The following C11orf65 variants were observed in gnomAD, a reference collection of about 807,000 sequenced individuals.
The protein encoded by C11orf65 is protein MFI.
In C11orf65, 38 loss-of-function variants were observed where a neutral mutation model predicts 35.3. That is an observed-to-expected ratio of 1.08 (90% CI 0.83 to 1.41). The LOEUF is 1.41. C11orf65 is among the 40% of genes most tolerant of loss of function. C11orf65 has a pLI of 0.00. For missense variants in C11orf65, 370 were observed against 367.1 expected (o/e 1.01, Z -0.06); for synonymous variants, 105 against 114.4 (o/e 0.92, Z 0.53).
chr11:108,322,501 T>A (rs1172972093), intron 6 of C11orf65, among the ~76,000 whole-genome samples: 1 of 152,192 alleles, frequency 6.6e-6, no homozygotes, highest in African/African-American at 2.4e-5. Context: ...TAGTAAACAT[T>A]CAGTGGATAG....
chr11:108,456,332 G>T (rs956537520), intron 2 of C11orf65, among the ~76,000 whole-genome samples: 2 of 152,050 alleles, frequency 1.3e-5, no homozygotes, highest in Non-Finnish European at 2.9e-5. Context: ...AATGAACTTT[G>T]TACCTCTAAG....
chr11:108,401,624 T>TC (rs959307627), intron 6 of C11orf65, among the ~76,000 whole-genome samples: 2 of 152,148 alleles, frequency 1.3e-5, no homozygotes, highest in African/African-American at 4.8e-5. Flanking sequence ...GTAATATGCT[T>TC]CCCCCTGCAC....
At chr11:108,392,789 C>T (rs2092196927) in intron 7 of C11orf65, among the ~76,000 whole-genome samples, 1 of 152,178 alleles carries the variant, frequency 6.6e-6, no homozygotes, top group African/African-American at 2.4e-5. Context: ...TTCCCCCACA[C>T]AAGAAATCTT....
rs376158749 is a variant in C11orf65, at chr11:108,317,615, TTATATATATATATA to T, written c.641-8558_641-8545del. On this transcript the variant is annotated intron_variant, in intron 6 of 6. Transcript: ENST00000525729. ...TTCTATGAATATAACAGGAGTTGTT[TTATATATATATATA>T]TATATATATATATATATATATATAC... The T allele has an allele frequency of 3.2e-4, 69 of 215,350 alleles. 3 individuals carry two copies. The highest frequency in any genetic ancestry group is 1.0e-3 in the Admixed American group (15 of 14,860). 13.3% of individuals were successfully genotyped at this position (215,350 alleles called of 1,614,324 possible).
At chr11:108,421,532 C>T (rs1220323231) in intron 3 of C11orf65, among the ~76,000 whole-genome samples, 1 of 152,032 alleles carries the variant, frequency 6.6e-6, no homozygotes, top group East Asian at 1.9e-4. Flanking sequence ...GGTGGTGGCG[C>T]CTGTAATCCC....
chr11:108,327,665 T>C, downstream of C11orf65: 1 of 1,613,956 alleles, frequency 6.2e-7, no homozygotes, highest in Non-Finnish European at 8.5e-7. Flanking sequence ...GCCTAAAACT[T>C]ACATACACAG....
intron 2 of C11orf65, among the ~76,000 whole-genome samples, chr11:108,373,999 G>T (rs867984840): frequency 6.6e-6 from 1 of 152,246 alleles, no homozygotes; most frequent in Non-Finnish European, 1.5e-5. Flanking sequence ...GCCCAGGCTC[G>T]CTTAGGTAAA....
chr11:108,436,475 A>G (rs936527784), intron 2 of C11orf65, among the ~76,000 whole-genome samples: 1 of 152,214 alleles, frequency 6.6e-6, no homozygotes, highest in Non-Finnish European at 1.5e-5. Flanking sequence ...ACTTTTGGGA[A>G]GGTTGTGAAT....
At chr11:108,334,569 A>T (rs1191253517) in intron 3 of C11orf65, among the ~76,000 whole-genome samples, 1 of 152,200 alleles carries the variant, frequency 6.6e-6, no homozygotes, top group Non-Finnish European at 1.5e-5. Flanking sequence ...AGTGCTTAGT[A>T]TCTAGTTACT....
In C11orf65 at chr11:108,332,046, A is replaced by G. The variant is rs1182105888; in HGVS notation, c.300-479T>C. On this transcript the variant is annotated intron_variant, in intron 3 of 3. Coordinates refer to the C11orf65 transcript ENST00000524755. ...GCTCTCAGCTTGATGAGGTATTTGG[A>G]TTAAACATACGTACCTTTTAGAAGT... The G allele has an allele frequency of 6.2e-7, 1 of 1,613,420 alleles. No homozygotes were observed. Among genetic ancestry groups the G allele is most frequent in the Admixed American group, 1.7e-5 (1 of 60,014 alleles).
At chr11:108,330,515 C>A, downstream of C11orf65, 2 of 1,280,646 alleles carry the variant, frequency 1.6e-6, no homozygotes, top group Non-Finnish European at 2.3e-6. Context: ...TCTTTGTATT[C>A]CTAGCACTTG....
chr11:108,451,658 T>C lies in C11orf65; in HGVS notation c.81+9821A>G, dbSNP rs147422177. The stretch of plus-strand genomic sequence containing the variant: ...TTCACAGAATTGGAAAAGACTACTT[T>C]AAAGTTCACATGGAACCAAAAAAGA... On this transcript the variant is annotated intron_variant, in intron 2 of 8. Transcript: ENST00000393084. 2.5e-3 allele frequency among the ~76,000 whole-genome samples: 383 copies of C among 152,208 alleles called. 10 individuals are homozygous for C. The East Asian group carries it at 0.071, about 28-fold the overall frequency.
intron 6 of C11orf65, among the ~76,000 whole-genome samples, chr11:108,400,439 T>C (rs958227338): frequency 6.6e-6 from 1 of 152,148 alleles, no homozygotes; most frequent in South Asian, 2.1e-4. Context: ...AGGCATAATG[T>C]TCTATGGAAA....
intron 2 of C11orf65, among the ~76,000 whole-genome samples, chr11:108,445,409 TC>T (rs1261734449): frequency 6.6e-6 from 1 of 151,996 alleles, no homozygotes; most frequent in African/African-American, 2.4e-5. Flanking sequence ...AGACAAAACT[TC>T]CAGAGGAACG....
chr11:108,357,412 G>A, intron 2 of C11orf65, among the ~76,000 whole-genome samples: 1 of 152,222 alleles, frequency 6.6e-6, no homozygotes, highest in Non-Finnish European at 1.5e-5. Flanking sequence ...AAACAAAGCA[G>A]CCGGGAAGCT....
chr11:108,457,010 G>C (rs762103601), intron 2 of C11orf65, among the ~76,000 whole-genome samples: 103 of 152,134 alleles, frequency 6.8e-4, no homozygotes, highest in Non-Finnish European at 6.5e-4. Context: ...AATAGATCTT[G>C]GCGGTTTGAA....
chr11:108,361,712 T>A (rs902798199), intron 2 of C11orf65, among the ~76,000 whole-genome samples: 6 of 151,594 alleles, frequency 4.0e-5, no homozygotes, highest in African/African-American at 1.5e-4. Context: ...ATTCCCTATT[T>A]AATAAATGGT....
chr11:108,458,242 C>T (rs918231590), intron 2 of C11orf65, among the ~76,000 whole-genome samples: 3 of 150,064 alleles, frequency 2.0e-5, no homozygotes, highest in East Asian at 1.9e-4. Context: ...TGTGGTGGCA[C>T]GTGCCGGTAT....
chr11:108,353,624 C>A, intron 2 of C11orf65: 1 of 680,352 alleles, frequency 1.5e-6, no homozygotes, highest in South Asian at 1.6e-5. Flanking sequence ...GCAGCCAGAG[C>A]AGAAGTAAAC....
Sources: gnomAD v4.1 joint callset for allele counts (sites outside exome capture counted in the v4.1 genomes callset) on GRCh38, gnomAD v4.1.1 for gene constraint, MANE v1.5 for transcripts, NCBI Gene and HGNC (gene_info 2026-07-23, HGNC 2026-07-21) for gene names.